The following CAB39 variants were observed in gnomAD, a reference collection of about 807,000 sequenced individuals.
CAB39 encodes calcium binding protein 39.
In CAB39, 8 loss-of-function variants were observed where a neutral mutation model predicts 40.0. The observed-to-expected ratio is 0.20, with a 90% CI of 0.12 to 0.36. The LOEUF (loss-of-function observed/expected upper bound fraction) is 0.36. CAB39 is among the 10% of genes least tolerant of loss of function. CAB39 has a pLI of 1.00. For synonymous variants in CAB39, 156 were observed against 141.6 expected, an observed-to-expected ratio of 1.10 and a Z score of -0.72; for missense variants, 270 against 401.1, an observed-to-expected ratio of 0.67 and a Z score of 2.79.
At chr2:230,732,739 G>T (rs1004930846) in intron 1 of CAB39, among the ~76,000 whole-genome samples, 2 of 152,188 alleles carry the variant, frequency 1.3e-5, no homozygotes, top group African/African-American at 4.8e-5. Context: ...TCAGCAATGA[G>T]AGCAGGATGG....
Position 230,819,486 on chromosome 2 carries a change from T to TA in CAB39, c.*783dup, listed in dbSNP as rs1696468386. The TA allele has an allele frequency of 6.5e-6, 1 of 152,678 alleles. No individual in the cohort carries two copies. The highest frequency in any genetic ancestry group is 2.4e-5 in the African/African-American group (1 of 41,454). The allele number at this position is 152,678 out of a possible 1,614,324, so 9.5% of individuals were successfully genotyped here. A position where few individuals can be genotyped will look rare whatever the true frequency, so the allele number is the denominator to read the frequency against. The stretch of plus-strand genomic sequence containing the variant: ...CAAGGTTTCTTTTGTATATAATTCT[T>TA]AGAATGCTCATTTCTTTTAAATGGT... On this transcript the variant is annotated 3_prime_UTR_variant, in exon 9 of 9. Transcript: ENST00000258418.
In CAB39 at chr2:230,712,866, T is replaced by G. The variant is rs1694269575; in HGVS notation, c.-408T>G. ...CGCAGTGCGCACGTCAAAGCCGGGC[T>G]CGGGCCGCAAGCGGGGCGAGGGGTT... On this transcript the variant is annotated 5_prime_UTR_variant, in exon 1 of 9. Coordinates refer to ENST00000258418, the MANE Select transcript of CAB39 (RefSeq NM_016289.4). 1 of 151,904 alleles carries G rather than the reference T, an allele frequency of 6.6e-6. No individual in the cohort carries two copies. The highest frequency in any genetic ancestry group is 1.5e-5 in the Non-Finnish European group (1 of 68,030). The allele number at this position is 151,904 out of a possible 1,614,324, so 9.4% of individuals were successfully genotyped here.
intron 2 of CAB39, among the ~76,000 whole-genome samples, chr2:230,773,945 T>G (rs1424412767): frequency 1.3e-5 from 2 of 152,100 alleles, no homozygotes; most frequent in African/African-American, 4.8e-5. Context: ...AGTTAAGTAT[T>G]CTAGAAGGAA....
intron 1 of CAB39, among the ~76,000 whole-genome samples, chr2:230,722,025 T>C (rs931830853): frequency 6.6e-6 from 1 of 151,952 alleles, no homozygotes; most frequent in Non-Finnish European, 1.5e-5. Flanking sequence ...CAACTAAGAT[T>C]GTAGTGGCTT....
At chr2:230,755,326 G>A (rs541394229) in intron 1 of CAB39, among the ~76,000 whole-genome samples, 99 of 152,204 alleles carry the variant, frequency 6.5e-4, no homozygotes, top group African/African-American at 2.4e-3. Context: ...TTTAATTATG[G>A]CCATTCTTGC....
chr2:230,725,009 C>G, intron 1 of CAB39: 1 of 1,120,954 alleles, frequency 8.9e-7, no homozygotes, highest in African/African-American at 1.6e-5. Flanking sequence ...GAGAAAACTC[C>G]CAAAAGACCC....
chr2:230,783,080 G>A (rs1038946823), intron 2 of CAB39, among the ~76,000 whole-genome samples: 3 of 151,930 alleles, frequency 2.0e-5, no homozygotes, highest in Admixed American at 6.6e-5. Context: ...CGCCCGCCTC[G>A]GCCTCCAAGG....
intron 1 of CAB39, among the ~76,000 whole-genome samples, chr2:230,743,216 C>T (rs78257228): frequency 1.3e-5 from 2 of 152,296 alleles, no homozygotes; most frequent in South Asian, 4.1e-4. Context: ...TTTCCCTTCA[C>T]TCACTCTATA....
chr2:230,814,046 T>C lies in CAB39; in HGVS notation c.628-3T>C. 8.8e-7 allele frequency: 1 copy of C among 1,139,758 alleles called. No individual in the cohort carries two copies. Among genetic ancestry groups the C allele is most frequent in the East Asian group, 2.5e-5 (1 of 40,072 alleles). 70.6% of individuals were successfully genotyped at this position (1,139,758 alleles called of 1,614,324 possible). A position where few individuals can be genotyped will look rare whatever the true frequency, so the allele number is the denominator to read the frequency against. ...CCCTGATTTATGTTCTCTTATCTTT[T>C]AGTTTTTCAGTGAATATGAGAAGTT... On this transcript the variant is annotated splice_region_variant and splice_polypyrimidine_tract_variant and intron_variant, in intron 6 of 8. Transcript: ENST00000258418.
At chr2:230,769,218 A>C (rs1385112662) in intron 2 of CAB39, among the ~76,000 whole-genome samples, 1 of 152,232 alleles carries the variant, frequency 6.6e-6, no homozygotes, top group Non-Finnish European at 1.5e-5. Flanking sequence ...ATAATTCTAA[A>C]CATTTATGCA....
intron 2 of CAB39, among the ~76,000 whole-genome samples, chr2:230,771,483 C>G (rs1278313505): frequency 6.6e-6 from 1 of 152,196 alleles, no homozygotes; most frequent in East Asian, 1.9e-4. Flanking sequence ...GAGAAATTAG[C>G]CCAAATAAGC....
chr2:230,718,712 G>A (rs942765014), intron 1 of CAB39, among the ~76,000 whole-genome samples: 1 of 152,116 alleles, frequency 6.6e-6, no homozygotes, highest in South Asian at 2.1e-4. Context: ...GCTTTTCCAG[G>A]GGGGAGAAAC....
intron 1 of CAB39, among the ~76,000 whole-genome samples, chr2:230,714,502 G>C (rs1187597828): frequency 6.6e-6 from 1 of 152,222 alleles, no homozygotes; most frequent in Non-Finnish European, 1.5e-5. Context: ...TCTGCACACA[G>C]AAGGTGTTTC....
At chr2:230,714,974 C>T (rs1237425421) in intron 1 of CAB39, among the ~76,000 whole-genome samples, 1 of 152,200 alleles carries the variant, frequency 6.6e-6, no homozygotes, top group East Asian at 1.9e-4. Context: ...TTTGTCAAAG[C>T]TTCCAAAATT....
chr2:230,775,909 TGGG>T (rs778105134), intron 2 of CAB39, among the ~76,000 whole-genome samples: 1 of 152,054 alleles, frequency 6.6e-6, no homozygotes, highest in Non-Finnish European at 1.5e-5. Context: ...TAGAGGGACT[TGGG>T]GGCGCAGATA....
chr2:230,734,629 C>T (rs1559592191), intron 1 of CAB39, among the ~76,000 whole-genome samples: 1 of 152,294 alleles, frequency 6.6e-6, no homozygotes, highest in Non-Finnish European at 1.5e-5. Flanking sequence ...AATCAAACAT[C>T]CATAGACTTC....
chr2:230,792,235 T>C (rs761272110), intron 3 of CAB39, among the ~76,000 whole-genome samples: 1 of 152,190 alleles, frequency 6.6e-6, no homozygotes, highest in Non-Finnish European at 1.5e-5. Flanking sequence ...CTCTGCAAAG[T>C]TGGGGATGTA....
intron 1 of CAB39, chr2:230,752,136 T>A (rs562446211): frequency 2.7e-5 from 4 of 148,364 alleles, no homozygotes; most frequent in Non-Finnish European, 5.9e-5. Flanking sequence ...AAAGTGATGA[T>A]TTTGGTGCTC....
intron 4 of CAB39, among the ~76,000 whole-genome samples, chr2:230,798,230 T>G (rs1342715862): frequency 6.6e-6 from 1 of 152,226 alleles, no homozygotes; most frequent in East Asian, 1.9e-4. Context: ...TACATGTGGC[T>G]GAGAGTCTCC....
Sources: gnomAD v4.1 joint callset for allele counts (sites outside exome capture counted in the v4.1 genomes callset) on GRCh38, gnomAD v4.1.1 for gene constraint, MANE v1.5 for transcripts, NCBI Gene and HGNC (gene_info 2026-07-23, HGNC 2026-07-21) for gene names.